Variants in ARL15 observed in about 807,000 individuals in gnomAD.
ARL15 encodes ARF like GTPase 15.
In ARL15, 19 loss-of-function variants were observed where a neutral mutation model predicts 25.2. The observed-to-expected ratio is 0.75, with a 90% CI of 0.53 to 1.10. The LOEUF (loss-of-function observed/expected upper bound fraction) is 1.10. Among genes scored for constraint, ARL15 ranks in the 50% least tolerant of loss-of-function variants. ARL15 has a pLI of 0.00. For synonymous variants in ARL15, 94 were observed against 86.8 expected, an observed-to-expected ratio of 1.08 and a Z score of -0.46; for missense variants, 220 against 246.0, an observed-to-expected ratio of 0.89 and a Z score of 0.71.
intron 1 of ARL15, among the ~76,000 whole-genome samples, chr5:54,310,105 G>A (rs899339188): frequency 6.6e-6 from 1 of 152,238 alleles, no homozygotes; most frequent in Non-Finnish European, 1.5e-5. Flanking sequence ...GTCCTCTGCG[G>A]AGAGCGCAGA....
chr5:53,954,095 T>TA (rs11325411), intron 4 of ARL15, among the ~76,000 whole-genome samples: 2,125 of 141,210 alleles, frequency 0.015, 40 homozygotes, highest in African/African-American at 0.041. Flanking sequence ...ATCTTCTACT[T>TA]AAAAAAAAAA....
chr5:53,938,331 A>G (rs1160680333), intron 4 of ARL15, among the ~76,000 whole-genome samples: 6 of 152,158 alleles, frequency 3.9e-5, no homozygotes, highest in Admixed American at 1.3e-4. Flanking sequence ...AAACTACAGC[A>G]CTATATGTCT....
At chr5:54,076,004 C>T (rs1751586906) in intron 4 of ARL15, among the ~76,000 whole-genome samples, 1 of 152,100 alleles carries the variant, frequency 6.6e-6, no homozygotes, top group Non-Finnish European at 1.5e-5. Flanking sequence ...AATTATGTAT[C>T]TGAATAAGTG....
chr5:53,989,829 C>CTTA (rs1458844677), intron 4 of ARL15, among the ~76,000 whole-genome samples: 2 of 152,220 alleles, frequency 1.3e-5, no homozygotes, highest in East Asian at 3.9e-4. Context: ...TTTTGATATG[C>CTTA]TTATGCAAAA....
At chr5:54,036,158 G>GA (rs372984595) in intron 4 of ARL15, among the ~76,000 whole-genome samples, 1,973 of 123,642 alleles carry the variant, frequency 0.016, 31 homozygotes, top group African/African-American at 0.035. Flanking sequence ...TCGTAAAAAA[G>GA]AAAAAAAAAA....
At chr5:53,906,917 A>C (rs1168438450) in intron 4 of ARL15, among the ~76,000 whole-genome samples, 1 of 152,142 alleles carries the variant, frequency 6.6e-6, no homozygotes, top group Non-Finnish European at 1.5e-5. Context: ...GTTTCATTTT[A>C]AGAATTTCAC....
chr5:54,150,818 T>G (rs372915559), intron 3 of ARL15, among the ~76,000 whole-genome samples: 1 of 67,660 alleles, frequency 1.5e-5, no homozygotes, highest in Non-Finnish European at 3.2e-5. Flanking sequence ...AAATAAAAAA[T>G]AAAAAATGGT....
At chr5:53,891,964 A>T (rs892997517) in intron 4 of ARL15, among the ~76,000 whole-genome samples, 2 of 152,208 alleles carry the variant, frequency 1.3e-5, no homozygotes, top group African/African-American at 4.8e-5. Flanking sequence ...GTCTGAGAAG[A>T]GCACTGTCCT....
chr5:54,110,943 G>T (rs998471505), intron 4 of ARL15, among the ~76,000 whole-genome samples: 1 of 151,970 alleles, frequency 6.6e-6, no homozygotes, highest in African/African-American at 2.4e-5. Context: ...AGTACACAGA[G>T]AAACTTCTCT....
chr5:54,237,736 T>TGATC (rs1346368709), intron 1 of ARL15, among the ~76,000 whole-genome samples: 1 of 152,120 alleles, frequency 6.6e-6, no homozygotes, highest in African/African-American at 2.4e-5. Flanking sequence ...GAAATGCGGG[T>TGATC]GATCCTTTGT....
At chr5:54,028,096 T>C (rs1477136220) in intron 4 of ARL15, among the ~76,000 whole-genome samples, 26 of 152,074 alleles carry the variant, frequency 1.7e-4, no homozygotes, top group Admixed American at 1.7e-3. Flanking sequence ...AATTTTTTTG[T>C]ATTTTTAGTA....
At chr5:54,274,727 A>G (rs1285813371) in intron 1 of ARL15, among the ~76,000 whole-genome samples, 1 of 151,848 alleles carries the variant, frequency 6.6e-6, no homozygotes, top group African/African-American at 2.4e-5. Context: ...TGAAACCCCG[A>G]CTCTGCTAAA....
At chr5:54,009,059 T>A (rs1332626976) in intron 4 of ARL15, among the ~76,000 whole-genome samples, 2 of 152,228 alleles carry the variant, frequency 1.3e-5, no homozygotes, top group African/African-American at 4.8e-5. Context: ...TGTTTCATTA[T>A]AAATAAAATG....
intron 4 of ARL15, among the ~76,000 whole-genome samples, chr5:54,088,778 A>C (rs1376253567): frequency 1.3e-5 from 2 of 152,196 alleles, no homozygotes; most frequent in African/African-American, 4.8e-5. Flanking sequence ...AATTCTACTT[A>C]AGTAGCTCTC....
chr5:54,143,721 TA>T (rs59164988), intron 3 of ARL15, among the ~76,000 whole-genome samples: 4 of 151,146 alleles, frequency 2.6e-5, no homozygotes, highest in South Asian at 2.1e-4. Flanking sequence ...CTTTATGCTT[TA>T]AAAAAAAAGT....
chr5:54,000,900 G>A (rs67473746), intron 4 of ARL15, among the ~76,000 whole-genome samples: 3 of 151,938 alleles, frequency 2.0e-5, no homozygotes, highest in African/African-American at 7.3e-5. Context: ...GTGAGCCACT[G>A]TGCAGTCGCC....
intron 1 of ARL15, among the ~76,000 whole-genome samples, chr5:54,253,593 A>AT (rs879811735): frequency 0.019 from 2,847 of 148,020 alleles, 38 homozygotes; most frequent in Middle Eastern, 0.074. Flanking sequence ...AAGGAATCAG[A>AT]TTTTTTTTTT....
chr5:54,194,898 T>C (rs1755507601), intron 1 of ARL15, among the ~76,000 whole-genome samples: 1 of 152,166 alleles, frequency 6.6e-6, no homozygotes, highest in African/African-American at 2.4e-5. Context: ...CCAAGAGGAC[T>C]TCTAGTCATG....
At chr5:54,089,339 T>C (rs2112137952) in intron 4 of ARL15, among the ~76,000 whole-genome samples, 1 of 152,328 alleles carries the variant, frequency 6.6e-6, no homozygotes, top group East Asian at 1.9e-4. Flanking sequence ...AGCCATCACA[T>C]CTAATACTAT....
Sources: allele counts gnomAD v4.1 joint callset (sites outside exome capture counted in the v4.1 genomes callset), GRCh38; gene constraint gnomAD v4.1.1; transcripts MANE v1.5; gene names NCBI Gene and HGNC (gene_info 2026-07-23, HGNC 2026-07-21).